Variants in DMD observed in about 807,000 individuals in gnomAD.
DMD encodes the protein dystrophin, also known as mutant dystrophin.
Under a neutral mutation model 330.1 loss-of-function variants are expected in DMD, and 63 were observed. The ratio of observed to expected loss-of-function variants is 0.19; its 90% CI spans 0.16 to 0.24. DMD has a LOEUF of 0.24. DMD is among the 10% of genes least tolerant of loss of function. The pLI, the probability that DMD is intolerant of heterozygous loss-of-function variation, is 1.00. For missense variants in DMD, 3,344 were observed against 2,684.1 expected, an observed-to-expected ratio of 1.25 and a Z score of -5.43; for synonymous variants, 1,223 against 959.8, an observed-to-expected ratio of 1.27 and a Z score of -5.07.
At chrX:33,180,344 G>A (rs1400044188) in intron 1 of DMD, among the ~76,000 whole-genome samples, 1 of 111,164 alleles carries the variant, frequency 9.0e-6, no homozygotes, top group Non-Finnish European at 1.9e-5. Flanking sequence ...ATATTCTTGG[G>A]CTACATGAAT....
chrX:31,371,905 C>G (rs1326961034), intron 60 of DMD, among the ~76,000 whole-genome samples: 1 of 112,259 alleles, frequency 8.9e-6, no homozygotes, highest in Non-Finnish European at 1.9e-5. Context: ...AACTGAGAGC[C>G]ACTGGGCAAA....
intron 44 of DMD, among the ~76,000 whole-genome samples, chrX:32,011,960 A>G (rs1338953783): frequency 8.9e-6 from 1 of 112,053 alleles, no homozygotes; most frequent in Non-Finnish European, 1.9e-5. Context: ...CAAAATCAAA[A>G]TATTCTGAAT....
chrX:32,544,697 C>G (rs899652851), intron 17 of DMD, among the ~76,000 whole-genome samples: 1 of 110,549 alleles, frequency 9.0e-6, no homozygotes, highest in African/African-American at 3.3e-5. Flanking sequence ...TTAGGATGCG[C>G]AGACTGAGAC....
intron 55 of DMD, among the ~76,000 whole-genome samples, chrX:31,622,871 T>TACAC (rs1267700584): frequency 1.1e-5 from 1 of 88,849 alleles, no homozygotes; most frequent in African/African-American, 4.2e-5. Context: ...TATATATATA[T>TACAC]ATATATACAC....
intron 1 of DMD, among the ~76,000 whole-genome samples, chrX:33,114,352 C>A (rs767684521): frequency 2.7e-5 from 3 of 110,163 alleles, no homozygotes; most frequent in Non-Finnish European, 3.8e-5. Context: ...TCAGGTGATC[C>A]GCCTGCCTCA....
At chrX:33,055,339 G>A (rs1242192820) in intron 1 of DMD, among the ~76,000 whole-genome samples, 2 of 111,702 alleles carry the variant, frequency 1.8e-5, no homozygotes, top group African/African-American at 3.3e-5. Flanking sequence ...GGTGTTTGAG[G>A]TAGCTACGTG....
At chrX:33,253,898 T>C (rs772394371) in intron 1 of DMD, among the ~76,000 whole-genome samples, 1 of 111,186 alleles carries the variant, frequency 9.0e-6, no homozygotes, top group Admixed American at 9.6e-5. Context: ...AATCCCATCA[T>C]TAATTAGCAA....
At chrX:32,282,674 T>C (rs777572921) in intron 43 of DMD, among the ~76,000 whole-genome samples, 2 of 112,478 alleles carry the variant, frequency 1.8e-5, no homozygotes, top group East Asian at 5.6e-4. Context: ...TTTAAATATC[T>C]TCCTGTTCTC....
At chrX:31,779,320 C>T (rs5927859) in intron 50 of DMD, among the ~76,000 whole-genome samples, 40,935 of 110,171 alleles carry the variant, frequency 0.37, 5,416 homozygotes, top group East Asian at 0.45. Context: ...AATCCTTTCC[C>T]GTGTACCCTA....
intron 18 of DMD, among the ~76,000 whole-genome samples, chrX:32,514,419 G>A (rs1464563582): frequency 1.8e-5 from 2 of 112,044 alleles, no homozygotes; most frequent in Non-Finnish European, 3.8e-5. Flanking sequence ...TGCACGGAAA[G>A]CTTATGAAGA....
At chrX:32,579,943 T>C (rs1329860600) in intron 13 of DMD, among the ~76,000 whole-genome samples, 1 of 112,415 alleles carries the variant, frequency 8.9e-6, no homozygotes, top group Non-Finnish European at 1.9e-5. Context: ...AAAGTGCTAA[T>C]GAATAAATCT....
chrX:33,079,960 C>G (rs184252406), intron 1 of DMD, among the ~76,000 whole-genome samples: 2 of 111,988 alleles, frequency 1.8e-5, no homozygotes, highest in East Asian at 5.6e-4. Flanking sequence ...TATCTTTTAA[C>G]GTTACAAAAA....
chrX:31,281,430 C>T (rs771407149), intron 62 of DMD, among the ~76,000 whole-genome samples: 11 of 111,747 alleles, frequency 9.8e-5, no homozygotes, highest in East Asian at 2.8e-4. Context: ...GAGAGTATCA[C>T]GCTGATTCCC....
intron 55 of DMD, among the ~76,000 whole-genome samples, chrX:31,530,820 C>G (rs1362870465): frequency 2.6e-5 from 1 of 38,583 alleles, no homozygotes; most frequent in African/African-American, 9.6e-5. Flanking sequence ...TGCTATCCCT[C>G]CCCCCTCCCC....
rs781578928 is a variant in DMD at position 33,233,409 on chromosome X, T to C, written c.7+105850A>G. Among the ~76,000 whole-genome samples the C allele has an allele frequency of 2.1e-4, 24 of 111,891 alleles. No homozygotes were observed. In the South Asian group the frequency reaches 7.9e-3, roughly 37 times the overall value. On this transcript the variant is annotated intron_variant, in intron 1 of 17. Transcript: ENST00000288447. ...ACAACAATATCTCTCAGTCAGTGAATGGTGAAACTGTAGGATGTCCACAAC... is the reference window on the plus strand; with the variant it reads ...ACAACAATATCTCTCAGTCAGTGAACGGTGAAACTGTAGGATGTCCACAAC...
At chrX:32,691,601 G>T (rs1422896408) in intron 9 of DMD, among the ~76,000 whole-genome samples, 1 of 111,053 alleles carries the variant, frequency 9.0e-6, no homozygotes, top group Non-Finnish European at 1.9e-5. Context: ...TAATATAGTT[G>T]CTCCTCAAAA....
At chrX:32,911,573 C>T (rs2087244761) in intron 2 of DMD, among the ~76,000 whole-genome samples, 1 of 111,542 alleles carries the variant, frequency 9.0e-6, no homozygotes, top group African/African-American at 3.3e-5. Flanking sequence ...AAACAATTGT[C>T]TGCATTTAAA....
intron 17 of DMD, among the ~76,000 whole-genome samples, chrX:32,529,261 C>T (rs1304159543): frequency 1.8e-5 from 2 of 108,337 alleles, no homozygotes; most frequent in African/African-American, 6.8e-5. Flanking sequence ...TGATTGATGT[C>T]TCATGCCTCC....
chrX:31,696,435 A>C (rs1160914089), intron 52 of DMD, among the ~76,000 whole-genome samples: 4 of 112,164 alleles, frequency 3.6e-5, no homozygotes, highest in African/African-American at 6.5e-5. Context: ...AAACAGGAAA[A>C]AGTAATAGAA....
Sources: gnomAD v4.1 joint callset for allele counts (sites outside exome capture counted in the v4.1 genomes callset) on GRCh38, gnomAD v4.1.1 for gene constraint, MANE v1.5 for transcripts, NCBI Gene and HGNC (gene_info 2026-07-23, HGNC 2026-07-21) for gene names.